Variants in ERC1 observed in about 807,000 individuals in gnomAD.
The protein encoded by ERC1 is ELKS/RAB6-interacting/CAST family member 1.
ERC1 carries 56 observed loss-of-function variants against 132.0 expected under a neutral mutation model. That is an observed-to-expected ratio of 0.42 (90% CI 0.34 to 0.53). The LOEUF is 0.53. Ranked by LOEUF, ERC1 falls within the 20% of genes least tolerant of loss-of-function variation. ERC1 has a pLI of 0.03. For synonymous variants in ERC1, 478 were observed against 476.1 expected (o/e 1.00, Z -0.05); for missense variants, 1,202 against 1,349.9 (o/e 0.89, Z 1.72).
At chr12:1,247,939 T>C (rs2076254403) in intron 13 of ERC1, among the ~76,000 whole-genome samples, 1 of 152,160 alleles carries the variant, frequency 6.6e-6, no homozygotes, top group Non-Finnish European at 1.5e-5. Flanking sequence ...GAGGTTGCGG[T>C]GAGCCGAGAT....
At chr12:1,489,398 C>A (rs2094292657) in intron 18 of ERC1, among the ~76,000 whole-genome samples, 1 of 152,210 alleles carries the variant, frequency 6.6e-6, no homozygotes, top group Non-Finnish European at 1.5e-5. Context: ...CCTCACTCTG[C>A]TGGGTGGTCG....
At chr12:1,203,673 C>G (rs940825896) in intron 12 of ERC1, among the ~76,000 whole-genome samples, 1 of 152,142 alleles carries the variant, frequency 6.6e-6, no homozygotes, top group African/African-American at 2.4e-5. Flanking sequence ...TCGTTAGAAG[C>G]CCTAACTATT....
At chr12:1,356,409 A>G (rs2085544635) in intron 15 of ERC1, among the ~76,000 whole-genome samples, 1 of 152,114 alleles carries the variant, frequency 6.6e-6, no homozygotes, top group South Asian at 2.1e-4. Flanking sequence ...ATATAATAAA[A>G]TTCTAAAACT....
chr12:1,339,593 AGGTGCCAGGG>A (rs1390835966), intron 15 of ERC1, among the ~76,000 whole-genome samples: 6 of 115,176 alleles, frequency 5.2e-5, no homozygotes, highest in East Asian at 3.0e-4. Context: ...GGGTGCTAGC[AGGTGCCAGGG>A]GGTGCCAGGG....
At chr12:1,345,008 G>GC (rs2084301354) in intron 15 of ERC1, among the ~76,000 whole-genome samples, 1 of 151,978 alleles carries the variant, frequency 6.6e-6, no homozygotes, top group African/African-American at 2.4e-5. Flanking sequence ...GAAAAAAACA[G>GC]CCCCCAAGTC....
At chr12:1,050,402 T>C (rs1971740792) in intron 2 of ERC1, among the ~76,000 whole-genome samples, 3 of 152,196 alleles carry the variant, frequency 2.0e-5, no homozygotes, top group Admixed American at 2.0e-4. Context: ...AATTTTTCTT[T>C]ATTAGAGCAT....
chr12:1,306,090 G>A (rs2080861756), intron 15 of ERC1, among the ~76,000 whole-genome samples: 1 of 151,944 alleles, frequency 6.6e-6, no homozygotes, highest in South Asian at 2.1e-4. Flanking sequence ...TATTTTTCCA[G>A]TATACTTTAA....
chr12:1,402,731 G>A (rs898615134), intron 16 of ERC1, among the ~76,000 whole-genome samples: 1 of 152,050 alleles, frequency 6.6e-6, no homozygotes, highest in Non-Finnish European at 1.5e-5. Flanking sequence ...CTAGCTCTTA[G>A]AGAGGATTTA....
chr12:999,248 A>G (rs1447094599), intron 1 of ERC1, among the ~76,000 whole-genome samples: 1 of 151,848 alleles, frequency 6.6e-6, no homozygotes, highest in Non-Finnish European at 1.5e-5. Context: ...TTCATTTTTC[A>G]TCTGTGTGCT....
intron 17 of ERC1, among the ~76,000 whole-genome samples, chr12:1,413,436 A>T (rs112164154): frequency 6.6e-6 from 1 of 152,026 alleles, no homozygotes; most frequent in African/African-American, 2.4e-5. Context: ...TCTACTAAAA[A>T]TACAAAAATT....
At chr12:1,016,225 G>T (rs570265896) in intron 1 of ERC1, among the ~76,000 whole-genome samples, 1 of 152,256 alleles carries the variant, frequency 6.6e-6, no homozygotes, top group South Asian at 2.1e-4. Flanking sequence ...AATAGCTAAT[G>T]GGTGGTATAT....
chr12:1,172,386 C>T (rs886695986), intron 8 of ERC1, among the ~76,000 whole-genome samples: 2 of 152,108 alleles, frequency 1.3e-5, no homozygotes, highest in Admixed American at 1.3e-4. Flanking sequence ...GAGGATTACT[C>T]GTGCTCAGGA....
chr12:1,375,733 C>CTTTTTTTTTTTTT (rs35535185), intron 16 of ERC1, among the ~76,000 whole-genome samples: 1 of 107,114 alleles, frequency 9.3e-6, no homozygotes, highest in African/African-American at 4.2e-5. Flanking sequence ...GCTCTTGTTC[C>CTTTTTTTTTTTTT]TTTTTTTTTT....
chr12:1,488,208 T>C (rs900787208), intron 18 of ERC1, among the ~76,000 whole-genome samples: 1 of 150,618 alleles, frequency 6.6e-6, no homozygotes. Flanking sequence ...CTCAAACTCC[T>C]GGGCTCAAGC....
rs148960580 is a variant in ERC1 at position 1,283,218 on chromosome 12, G to A, written c.2620-6634G>A. Among the ~76,000 whole-genome samples, 807 of 152,300 alleles carry A rather than the reference G, an allele frequency of 5.3e-3. 1 individual carries two copies. Among genetic ancestry groups the A allele is most frequent in the Non-Finnish European group, 8.4e-3 (569 of 68,028 alleles). ...AGGCCCCGTGCTTTCTGCTTATTAT[G>A]TTACTGAAGGCAGTTACATATTTGA... On this transcript the variant is annotated intron_variant, in intron 14 of 18. Transcript: ENST00000360905.
chr12:1,021,622 C>A (rs1445887599), intron 1 of ERC1, among the ~76,000 whole-genome samples: 3 of 151,724 alleles, frequency 2.0e-5, no homozygotes, highest in Non-Finnish European at 4.4e-5. Flanking sequence ...TGGCATGAAC[C>A]CGGGAGGCGG....
chr12:1,113,008 T>C (rs546922534), intron 6 of ERC1, among the ~76,000 whole-genome samples: 1 of 152,200 alleles, frequency 6.6e-6, no homozygotes, highest in Non-Finnish European at 1.5e-5. Context: ...GTGCTGAACA[T>C]GTACAGGCTT....
At chr12:1,320,083 A>G (rs1360173603) in intron 15 of ERC1, among the ~76,000 whole-genome samples, 4 of 152,180 alleles carry the variant, frequency 2.6e-5, no homozygotes, top group African/African-American at 9.7e-5. Flanking sequence ...CAGTGTATAG[A>G]TACTGCATTA....
At chr12:1,234,008 A>C (rs2075248261) in intron 12 of ERC1, among the ~76,000 whole-genome samples, 1 of 152,230 alleles carries the variant, frequency 6.6e-6, no homozygotes, top group African/African-American at 2.4e-5. Flanking sequence ...TGCATCAGGA[A>C]GCATGTATAA....
Sources: allele counts gnomAD v4.1 joint callset (sites outside exome capture counted in the v4.1 genomes callset), GRCh38; gene constraint gnomAD v4.1.1; transcripts MANE v1.5; gene names NCBI Gene and HGNC (gene_info 2026-07-23, HGNC 2026-07-21).